MESD: variants seen among roughly 807,000 people sequenced by gnomAD.
The protein encoded by MESD is LRP chaperone MESD.
A neutral mutation model predicts 12.9 loss-of-function variants in MESD; 7 were observed. The ratio of observed to expected loss-of-function variants is 0.54; its 90% confidence interval spans 0.31 to 1.02. The LOEUF is 1.02. MESD is among the 50% of genes least tolerant of loss of function. The pLI, the probability that MESD is intolerant of heterozygous loss-of-function variation, is 0.05. For missense variants in MESD, 342 were observed against 296.7 expected (o/e 1.15, Z -1.12); for synonymous variants, 126 against 115.6 (o/e 1.09, Z -0.58).
At chr15:80,954,006 T>G (rs935834712) in intron 3 of MESD, among the ~76,000 whole-genome samples, 12 of 152,182 alleles carry the variant, frequency 7.9e-5, no homozygotes, top group African/African-American at 2.7e-4. Flanking sequence ...AATCCCCAGA[T>G]GAGCCCTAAT....
chr15:80,974,867 T>G (rs796467270), downstream of MESD, among the ~76,000 whole-genome samples: 2 of 151,104 alleles, frequency 1.3e-5, no homozygotes, highest in South Asian at 4.1e-4. Flanking sequence ...TTATTTAAAA[T>G]TTTTAAAATT....
At chr15:80,970,174 C>T (rs1050757825) in intron 3 of MESD, among the ~76,000 whole-genome samples, 3 of 152,140 alleles carry the variant, frequency 2.0e-5, no homozygotes, top group African/African-American at 7.2e-5. Flanking sequence ...GGATCAGTGG[C>T]AAATTAGAGA....
intron 1 of MESD, among the ~76,000 whole-genome samples, chr15:80,985,203 C>T (rs16972622): frequency 0.17 from 25,961 of 152,244 alleles, 2,358 homozygotes; most frequent in African/African-American, 0.24. Flanking sequence ...TGCTGTCAGA[C>T]GGATGCGCTC....
chr15:80,974,304 C>T (rs748431294), downstream of MESD, among the ~76,000 whole-genome samples: 2 of 152,134 alleles, frequency 1.3e-5, no homozygotes, highest in Non-Finnish European at 2.9e-5. Flanking sequence ...GACACTTGTA[C>T]AGGCTGAGGT....
At position 80,987,848 on chromosome 15, in the gene MESD, G is replaced by C. The variant is rs529529100; in HGVS notation, c.213+1731C>G. On this transcript the variant is annotated intron_variant, in intron 1 of 2. Coordinates refer to ENST00000261758, the MANE Select transcript of MESD (RefSeq NM_015154.3). ...ATTCACAAAATCAATCAATTGCCCA[G>C]GCATGGTGGCTCACGCCCGTAATCC... Among the ~76,000 whole-genome samples the C allele has an allele frequency of 1.3e-4, 20 of 152,092 alleles. No homozygotes were observed. The East Asian group carries it at 3.7e-3, about 28-fold the overall frequency.
Position 80,982,012 on chromosome 15 carries a change from CT to C in MESD, c.383del (p.Glu128GlyfsTer56). ...GCCAGAGGCTCGTAATTTCCTCTGT[CT>C]CCTTCTCAGTAGGGCTTCCTGATAC... ...VTVSGSPTEK[E>X]TEEITSLWQG... On this transcript the variant is annotated frameshift_variant, in exon 2 of 3. Transcript: ENST00000261758. LOFTEE classifies it high-confidence loss of function. 1 of 1,614,182 alleles carries C rather than the reference CT, an allele frequency of 6.2e-7. No homozygotes were observed. The highest frequency in any genetic ancestry group is 8.5e-7 in the Non-Finnish European group (1 of 1,180,042).
At chr15:80,984,726 G>A (rs1902683369) in intron 1 of MESD, among the ~76,000 whole-genome samples, 1 of 152,050 alleles carries the variant, frequency 6.6e-6, no homozygotes. Flanking sequence ...ACTTTACATG[G>A]GTAAATTGCC....
chr15:80,952,634 G>A (rs1278824896), intron 3 of MESD, among the ~76,000 whole-genome samples: 1 of 152,088 alleles, frequency 6.6e-6, no homozygotes, highest in Non-Finnish European at 1.5e-5. Flanking sequence ...GTGTGTGTGT[G>A]TGTGTATGTC....
chr15:80,959,522 T>C (rs1902048281), intron 3 of MESD, among the ~76,000 whole-genome samples: 1 of 152,162 alleles, frequency 6.6e-6, no homozygotes, highest in Non-Finnish European at 1.5e-5. Flanking sequence ...AGTATTCAGC[T>C]AGAAAATGTC....
At position 80,979,943 on chromosome 15, in the gene MESD, G is replaced by C. The variant is rs1902530333; in HGVS notation, c.447-466C>G. Among the ~76,000 whole-genome samples the C allele has an allele frequency of 1.3e-5, 2 of 152,330 alleles. 1 individual carries two copies. The highest frequency in any genetic ancestry group is 2.9e-5 in the Non-Finnish European group (2 of 68,036). On this transcript the variant is annotated intron_variant, in intron 2 of 2. Transcript: ENST00000261758. ...TGGGTCATGATAAGAGGCTATGAAG[G>C]ACTCAAGAGGACACTTGGTTGTTGG... is the stretch of plus-strand genomic sequence containing the variant.
chr15:80,948,760 AG>A, exon 5 of MESD: 1 of 1,613,752 alleles, frequency 6.2e-7, no homozygotes, highest in Non-Finnish European at 8.5e-7. Flanking sequence ...GTCCTCTCAT[AG>A]GGCTTTTGCT....
intron 2 of MESD, among the ~76,000 whole-genome samples, chr15:80,980,012 C>T (rs1047501987): frequency 6.6e-6 from 1 of 152,234 alleles, no homozygotes; most frequent in African/African-American, 2.4e-5. Context: ...CTGCCCAGCT[C>T]GTCCACACTC....
At chr15:80,946,982 C>T (rs1156301471), downstream of MESD, 1 of 1,612,810 alleles carries the variant, frequency 6.2e-7, no homozygotes, top group Non-Finnish European at 8.5e-7. Context: ...GTGCTTATGG[C>T]ATCAAAGGGA....
downstream of MESD, among the ~76,000 whole-genome samples, chr15:80,972,111 C>T (rs530202175): frequency 6.6e-6 from 1 of 152,234 alleles, no homozygotes; most frequent in South Asian, 2.1e-4. Flanking sequence ...TACACATGTG[C>T]TTCGTCTCAC....
chr15:80,956,466 C>A (rs1307666579), intron 3 of MESD, among the ~76,000 whole-genome samples: 1 of 152,138 alleles, frequency 6.6e-6, no homozygotes, highest in East Asian at 1.9e-4. Context: ...GAAAACAGTT[C>A]TCGGACACAC....
rs1336695729 is a variant in MESD, at chr15:80,977,661, GAC to G, written c.*1556_*1557del. ...CTGAGTACAACAGAAAAAGCCCACA[GAC>G]AGGGCTTGGTTCAGCCACGGCATGA... On this transcript the variant is annotated 3_prime_UTR_variant, in exon 3 of 3. Coordinates refer to ENST00000261758, the MANE Select transcript of MESD (RefSeq NM_015154.3). 2.0e-5 allele frequency: 3 copies of G among 152,358 alleles called. No homozygotes were observed. The highest frequency in any genetic ancestry group is 4.4e-5 in the Non-Finnish European group (3 of 68,064). The allele number at this position is 152,358 out of a possible 1,614,324, so 9.4% of individuals were successfully genotyped here.
downstream of MESD, chr15:80,947,009 G>T (rs1486791943): frequency 8.1e-6 from 13 of 1,613,956 alleles, no homozygotes; most frequent in Non-Finnish European, 1.1e-5. Context: ...GTCTCCAGAG[G>T]CCCATGGACC....
intron 2 of MESD, among the ~76,000 whole-genome samples, chr15:80,981,180 G>A (rs994035743): frequency 6.6e-6 from 1 of 151,814 alleles, no homozygotes. Flanking sequence ...GCTCACACCT[G>A]TAATCCTAGC....
intron 3 of MESD, among the ~76,000 whole-genome samples, chr15:80,964,148 AC>A (rs1040309104): frequency 3.3e-5 from 5 of 152,228 alleles, no homozygotes. Context: ...TACAAAATGA[AC>A]GTGCAAAAAT....
Sources: gnomAD v4.1 joint callset for allele counts (sites outside exome capture counted in the v4.1 genomes callset) on GRCh38, gnomAD v4.1.1 for gene constraint, MANE v1.5 for transcripts, NCBI Gene and HGNC (gene_info 2026-07-23, HGNC 2026-07-21) for gene names.